Variants in CWH43 observed in about 807,000 individuals in gnomAD.
The protein encoded by CWH43 is cell wall biogenesis 43 C-terminal homolog.
Under a neutral mutation model 85.7 loss-of-function variants are expected in CWH43, and 91 were observed. That is an observed-to-expected ratio of 1.06 (90% CI 0.90 to 1.26). The LOEUF is 1.26. CWH43 is among the 50% of genes most tolerant of loss of function. CWH43 has a pLI of 0.00. For synonymous variants in CWH43, 323 were observed against 293.6 expected (o/e 1.10, Z -1.02); for missense variants, 869 against 839.2 (o/e 1.04, Z -0.44).
chr4:49,013,168 G>A (rs1197566663), intron 8 of CWH43, among the ~76,000 whole-genome samples: 1 of 152,226 alleles, frequency 6.6e-6, no homozygotes, highest in African/African-American at 2.4e-5. Flanking sequence ...CTTCCTGGCT[G>A]CTTTGTTTAC....
intron 7 of CWH43, among the ~76,000 whole-genome samples, chr4:49,006,282 C>T (rs1783154623): frequency 2.0e-5 from 3 of 151,928 alleles, no homozygotes; most frequent in African/African-American, 7.3e-5. Flanking sequence ...CTTCTCACTA[C>T]TTATGGAATT....
At chr4:49,058,881 G>A (rs1785051894) in intron 15 of CWH43, among the ~76,000 whole-genome samples, 1 of 152,020 alleles carries the variant, frequency 6.6e-6, no homozygotes, top group Non-Finnish European at 1.5e-5. Context: ...TTCTCTTGTT[G>A]CCTGCAAAAT....
At chr4:49,016,437 TGGGGCCTAGGGGACCCA>T (rs1783548521) in intron 8 of CWH43, among the ~76,000 whole-genome samples, 1 of 152,120 alleles carries the variant, frequency 6.6e-6, no homozygotes, top group African/African-American at 2.4e-5. Flanking sequence ...CTGCCTTCAC[TGGGGCCTAGGGGACCCA>T]GGAGCAAATT....
Position 49,019,724 on chromosome 4 carries a change from C to T in CWH43, c.1266+2396C>T, listed in dbSNP as rs149256912. Among the ~76,000 whole-genome samples, 779 of 151,996 alleles carry T rather than the reference C, an allele frequency of 5.1e-3. 1 individual carries two copies. Among genetic ancestry groups the T allele is most frequent in the Middle Eastern group, 0.014 (4 of 294 alleles). On this transcript the variant is annotated intron_variant, in intron 9 of 15. Transcript: ENST00000226432. ...CCTCCAGAGCAGCTGGGATTACAGG[C>T]GCACACCACCATGCCCAGCTAATTT... is the stretch of plus-strand genomic sequence containing the variant.
chr4:49,003,751 G>A lies in CWH43; in HGVS notation c.819G>A (p.Ala273=), dbSNP rs1250473701. ...IWWVTGTASA[A]GLLYLHTWAA... is the part of the protein sequence containing the mutation. Reference sequence around the variant, plus strand: ...CACAAACAGGAACAGCTTCAGCTGCGGGGCTCCTTTACCTGCACACATGGG... The same window carrying A: ...CACAAACAGGAACAGCTTCAGCTGCAGGGCTCCTTTACCTGCACACATGGG... The change falls in exon 7 of 16, where the codon GCG becomes GCA. Residue 273 remains alanine (A), a synonymous_variant. Coordinates refer to ENST00000226432, the MANE Select transcript of CWH43 (RefSeq NM_025087.3). 9.3e-6 allele frequency: 15 copies of A among 1,613,814 alleles called. No individual in the cohort carries two copies. The highest frequency in any genetic ancestry group is 4.5e-5 in the East Asian group (2 of 44,868).
intron 15 of CWH43, among the ~76,000 whole-genome samples, chr4:49,059,793 A>G (rs1402962248): frequency 1.3e-5 from 2 of 151,584 alleles, no homozygotes; most frequent in Non-Finnish European, 2.9e-5. Flanking sequence ...CTGTGTCAAT[A>G]GGGACTGGAC....
chr4:48,986,900 T>C (rs1782513645), intron 1 of CWH43: 1 of 770,016 alleles, frequency 1.3e-6, no homozygotes, highest in Non-Finnish European at 1.6e-6. Context: ...GAGCTGTAGG[T>C]GGACACTGGG....
chr4:49,015,503 A>G (rs1454892425), intron 8 of CWH43, among the ~76,000 whole-genome samples: 1 of 151,916 alleles, frequency 6.6e-6, no homozygotes, highest in African/African-American at 2.4e-5. Flanking sequence ...CCGTAGTTTC[A>G]CTGTGATATA....
intron 8 of CWH43, among the ~76,000 whole-genome samples, chr4:49,010,084 C>G (rs549098961): frequency 6.6e-6 from 1 of 152,076 alleles, no homozygotes; most frequent in Non-Finnish European, 1.5e-5. Flanking sequence ...TGGTAGAATT[C>G]GGCTGTGAAT....
At chr4:49,031,233 T>C (rs1478552157) in intron 11 of CWH43, 5 of 332,488 alleles carry the variant, frequency 1.5e-5, no homozygotes, top group Non-Finnish European at 2.7e-5. Flanking sequence ...GCTGTCCTCA[T>C]GGAGCTTACC....
At chr4:49,016,928 C>T in intron 8 of CWH43, 2 of 784,438 alleles carry the variant, frequency 2.5e-6, no homozygotes, top group Non-Finnish European at 4.7e-6. Context: ...GGCTGATCTC[C>T]CCAGTAAAGG....
chr4:48,991,666 T>G, intron 3 of CWH43, 92 bp downstream of exon 3: 1 of 1,422,466 alleles, frequency 7.0e-7, no homozygotes. Context: ...TTATAGTTTT[T>G]ACCTTCCATA....
chr4:49,032,730 C>G lies in CWH43; in HGVS notation c.1658+15C>G, dbSNP rs372997677. The G allele has an allele frequency of 7.4e-6, 12 of 1,613,360 alleles. No homozygotes were observed. The African/African-American group carries it at 1.3e-4, about 18-fold the overall frequency. ...GGGAACCACGAGTGGGTTTCTTTGG[C>G]CCACCTAATATTACACAAATGCCAA... is the stretch of plus-strand genomic sequence containing the variant. On this transcript the variant is annotated intron_variant, in intron 12 of 15. Transcript: ENST00000226432.
chr4:49,009,710 CT>C (rs1783289645), intron 8 of CWH43, among the ~76,000 whole-genome samples: 3 of 152,086 alleles, frequency 2.0e-5, no homozygotes, highest in African/African-American at 7.2e-5. Flanking sequence ...TGTCGAAGGC[CT>C]TTTCTGCATC....
rs1289006830 is a variant in CWH43, at chr4:48,999,110, G to A, written c.802+562G>A. Among the ~76,000 whole-genome samples, 5 of 152,080 alleles carry A rather than the reference G, an allele frequency of 3.3e-5. No homozygotes were observed. The East Asian group carries it at 9.6e-4, about 29-fold the overall frequency. On this transcript the variant is annotated intron_variant, in intron 6 of 15. Coordinates refer to ENST00000226432, the MANE Select transcript of CWH43 (RefSeq NM_025087.3). ...CTGCCTCTGGTGGACCCCAGTGTCTGTTGTTCCCCTCTTTGTGTCCATGTG... is the reference window on the plus strand; with the variant it reads ...CTGCCTCTGGTGGACCCCAGTGTCTATTGTTCCCCTCTTTGTGTCCATGTG...
intron 2 of CWH43, among the ~76,000 whole-genome samples, 199 bp from the exon 3 acceptor site, chr4:48,991,255 A>G (rs1170973478): frequency 6.6e-6 from 1 of 152,192 alleles, no homozygotes; most frequent in Non-Finnish European, 1.5e-5. Flanking sequence ...AAACCATTGA[A>G]TTGTATATTT....
rs1784325556 is a variant in CWH43, at chr4:49,038,329, A to C, written c.1803+149A>C. ...ATCACCACAAAACATGTGAGCTTAA[A>C]ACAACAGCAATCATCTATTTGCTCA... is the stretch of plus-strand genomic sequence containing the variant. On this transcript the variant is annotated intron_variant, in intron 13 of 15. Transcript: ENST00000226432. 3.1e-5 allele frequency: 19 copies of C among 618,212 alleles called. No individual in the cohort carries two copies. In the South Asian group the frequency reaches 4.3e-4, roughly 14 times the overall value. 38.3% of individuals were successfully genotyped at this position (618,212 alleles called of 1,614,324 possible). A position where few individuals can be genotyped will look rare whatever the true frequency, so the allele number is the denominator to read the frequency against.
In CWH43 at chr4:49,008,521, T is replaced by C. The variant is rs190037189; in HGVS notation, c.1186+1195T>C. Among the ~76,000 whole-genome samples, 755 of 152,320 alleles carry C rather than the reference T, an allele frequency of 5.0e-3. 1 individual carries two copies. The highest frequency in any genetic ancestry group is 0.014 in the Middle Eastern group (4 of 294). The stretch of plus-strand genomic sequence containing the variant: ...AATTTTGGCTTTTGTTGCGTTGCTT[T>C]TGGTGTTTTAGTCATGAAGTCTTTG... On this transcript the variant is annotated intron_variant, in intron 8 of 15. Transcript: ENST00000226432.
chr4:49,030,225 G>T (rs1260487745), intron 10 of CWH43, among the ~76,000 whole-genome samples: 2 of 152,102 alleles, frequency 1.3e-5, no homozygotes, highest in Non-Finnish European at 2.9e-5. Context: ...GAGTGTTTTT[G>T]GTTTGTAGAC....
Sources: allele counts gnomAD v4.1 joint callset (sites outside exome capture counted in the v4.1 genomes callset), GRCh38; gene constraint gnomAD v4.1.1; transcripts MANE v1.5; gene names NCBI Gene and HGNC (gene_info 2026-07-23, HGNC 2026-07-21).